Variants in LRRC1 observed in about 807,000 individuals in gnomAD.
The protein encoded by LRRC1 is leucine-rich repeat-containing protein 1.
LRRC1 carries 28 observed loss-of-function variants against 69.9 expected under a neutral mutation model. That is an observed-to-expected ratio of 0.40 (90% CI 0.30 to 0.55). The LOEUF (loss-of-function observed/expected upper bound fraction) is 0.55. LRRC1 is among the 20% of genes least tolerant of loss of function. LRRC1 has a pLI of 0.47. For synonymous variants in LRRC1, 236 were observed against 240.2 expected (o/e 0.98, Z 0.16); for missense variants, 498 against 609.0 (o/e 0.82, Z 1.92).
At chr6:53,823,922 T>C (rs1765185605) in intron 1 of LRRC1, among the ~76,000 whole-genome samples, 1 of 152,226 alleles carries the variant, frequency 6.6e-6, no homozygotes, top group Admixed American at 6.5e-5. Context: ...TCCATGTCTT[T>C]GCTATTGTGA....
At chr6:53,809,711 T>C (rs1764736277) in intron 1 of LRRC1, among the ~76,000 whole-genome samples, 1 of 152,208 alleles carries the variant, frequency 6.6e-6, no homozygotes, top group South Asian at 2.1e-4. Flanking sequence ...ATCAGGTAAC[T>C]TCTGTGGTTT....
intron 11 of LRRC1, among the ~76,000 whole-genome samples, chr6:53,915,876 G>A (rs546974449): frequency 6.6e-6 from 1 of 151,714 alleles, no homozygotes; most frequent in African/African-American, 2.4e-5. Flanking sequence ...TTTTAAAAAG[G>A]GCTACCTTGT....
intron 4 of LRRC1, 31 bp downstream of exon 4, chr6:53,883,007 A>G: frequency 7.3e-7 from 1 of 1,369,488 alleles, no homozygotes; most frequent in Non-Finnish European, 1.0e-6. Context: ...TGGGTGGATC[A>G]GGGTGAAAGG....
intron 4 of LRRC1, among the ~76,000 whole-genome samples, chr6:53,886,075 G>GA (rs1468808158): frequency 6.6e-6 from 1 of 151,940 alleles, no homozygotes; most frequent in Non-Finnish European, 1.5e-5. Flanking sequence ...GTAGCTGTTT[G>GA]AAAAAAATTA....
intron 7 of LRRC1, 88 bp downstream of exon 7, chr6:53,897,447 A>C: frequency 1.0e-6 from 1 of 973,706 alleles, no homozygotes; most frequent in Non-Finnish European, 1.5e-6. Flanking sequence ...AAGGTTTGCT[A>C]TAAAAGGATC....
chr6:53,800,579 G>C (rs1312049228), intron 1 of LRRC1, among the ~76,000 whole-genome samples: 1 of 151,750 alleles, frequency 6.6e-6, no homozygotes, highest in East Asian at 1.9e-4. Flanking sequence ...ACTGGAGTTT[G>C]AAGACATTTT....
chr6:53,905,268 A>C (rs1030988295), intron 10 of LRRC1: 2 of 149,446 alleles, frequency 1.3e-5, no homozygotes, highest in African/African-American at 4.9e-5. Flanking sequence ...CGGGAGGCTA[A>C]GGTTGCAGTG....
intron 4 of LRRC1, among the ~76,000 whole-genome samples, chr6:53,885,225 A>T (rs1222253962): frequency 6.6e-6 from 1 of 152,230 alleles, no homozygotes; most frequent in South Asian, 2.1e-4. Flanking sequence ...AATGCACTTG[A>T]AACAGTGAAT....
At position 53,922,977 on chromosome 6, in the gene LRRC1, C is replaced by T; in HGVS notation, c.*184C>T. ...CTCATCCCGCAACCAGTCAGCGCAC[C>T]AGTGGTCTCCCGGTGTGATTTTTTT... On this transcript the variant is annotated 3_prime_UTR_variant, in exon 14 of 14. Transcript: ENST00000370888. 1 of 523,972 alleles carries T rather than the reference C, an allele frequency of 1.9e-6. No individual in the cohort carries two copies. Among genetic ancestry groups the T allele is most frequent in the Non-Finnish European group, 3.4e-6 (1 of 296,872 alleles). The allele number at this position is 523,972 out of a possible 1,614,324, so 32.5% of individuals were successfully genotyped here.
At chr6:53,900,259 G>A (rs879561499) in intron 8 of LRRC1, among the ~76,000 whole-genome samples, 4 of 151,854 alleles carry the variant, frequency 2.6e-5, no homozygotes, top group East Asian at 1.9e-4. Context: ...GGATGGTCTC[G>A]TTCTCCTGAC....
chr6:53,869,108 T>C (rs955089995), intron 2 of LRRC1, among the ~76,000 whole-genome samples: 2 of 152,230 alleles, frequency 1.3e-5, no homozygotes, highest in Admixed American at 6.5e-5. Flanking sequence ...ATTGCTCTTA[T>C]GGCTGTTCGG....
intron 4 of LRRC1, among the ~76,000 whole-genome samples, chr6:53,885,768 C>T (rs1562059989): frequency 6.6e-6 from 1 of 152,170 alleles, no homozygotes. Context: ...AGCAGACTTG[C>T]AATGCCTTGA....
chr6:53,894,058 C>G (rs527626360), intron 4 of LRRC1, among the ~76,000 whole-genome samples: 1 of 152,268 alleles, frequency 6.6e-6, no homozygotes, highest in Non-Finnish European at 1.5e-5. Flanking sequence ...TATGTATATA[C>G]CTAAAACTGA....
At position 53,902,620 on chromosome 6, in the gene LRRC1, C is replaced by T; in HGVS notation, c.788-9C>T. On this transcript the variant is annotated splice_polypyrimidine_tract_variant and intron_variant, in intron 8 of 13. Transcript: ENST00000370888. ...GAATTTGATAATAATAATCATAATG[C>T]TTTTACAGGAAAACTAAAGAAACTG... 6.7e-7 allele frequency: 1 copy of T among 1,499,764 alleles called. No individual in the cohort carries two copies. 92.9% of individuals were successfully genotyped at this position (1,499,764 alleles called of 1,614,324 possible). A position where few individuals can be genotyped will look rare whatever the true frequency, so the allele number is the denominator to read the frequency against.
chr6:53,885,182 T>C (rs1172781602), intron 4 of LRRC1, among the ~76,000 whole-genome samples: 2 of 152,222 alleles, frequency 1.3e-5, no homozygotes, highest in Non-Finnish European at 2.9e-5. Context: ...TTGGAGAAGA[T>C]TGGGCATACC....
intron 2 of LRRC1, among the ~76,000 whole-genome samples, chr6:53,871,766 C>T (rs1341174202): frequency 2.0e-5 from 3 of 152,170 alleles, no homozygotes; most frequent in Admixed American, 1.3e-4. Context: ...CTCCCAGGTT[C>T]AAGCGATTCT....
chr6:53,798,324 C>T (rs1764361743), intron 1 of LRRC1, among the ~76,000 whole-genome samples: 1 of 151,656 alleles, frequency 6.6e-6, no homozygotes, highest in Non-Finnish European at 1.5e-5. Flanking sequence ...CAAAGGCAGT[C>T]TCACTGTAAC....
At chr6:53,834,052 C>G (rs925167776) in intron 1 of LRRC1, among the ~76,000 whole-genome samples, 1 of 152,200 alleles carries the variant, frequency 6.6e-6, no homozygotes, top group African/African-American at 2.4e-5. Flanking sequence ...TGATACCTCC[C>G]CTATTGCCTT....
At chr6:53,807,189 G>T (rs1764656780) in intron 1 of LRRC1, among the ~76,000 whole-genome samples, 1 of 152,144 alleles carries the variant, frequency 6.6e-6, no homozygotes, top group Admixed American at 6.6e-5. Context: ...CTTCTCTGAT[G>T]GGATGTTGGT....
Sources: allele counts gnomAD v4.1 joint callset (sites outside exome capture counted in the v4.1 genomes callset), GRCh38; gene constraint gnomAD v4.1.1; transcripts MANE v1.5; gene names NCBI Gene and HGNC (gene_info 2026-07-23, HGNC 2026-07-21).